The following CCNY variants were observed in gnomAD, a reference collection of about 807,000 sequenced individuals.
The protein encoded by CCNY is cyclin-Y.
In CCNY, 19 loss-of-function variants were observed where a neutral mutation model predicts 42.8. The ratio of observed to expected loss-of-function variants is 0.44; its 90% CI spans 0.31 to 0.65. CCNY has a LOEUF of 0.65. CCNY is among the 30% of genes least tolerant of loss of function. CCNY has a pLI of 0.07. For synonymous variants in CCNY, 165 were observed against 162.7 expected, an observed-to-expected ratio of 1.01 and a Z score of -0.11; for missense variants, 370 against 437.3, an observed-to-expected ratio of 0.85 and a Z score of 1.37.
intron 7 of CCNY, among the ~76,000 whole-genome samples, chr10:35,532,621 G>A (rs1840792143): frequency 1.3e-5 from 2 of 152,248 alleles, no homozygotes; most frequent in Non-Finnish European, 1.5e-5. Context: ...ATTTGAAAGG[G>A]AGTGAGGTAA....
At chr10:35,256,233 A>AT (rs971537929) in intron 3 of CCNY, among the ~76,000 whole-genome samples, 3 of 151,672 alleles carry the variant, frequency 2.0e-5, no homozygotes, top group Non-Finnish European at 4.4e-5. Flanking sequence ...TCATTTTGCT[A>AT]TTTTTTTCTA....
intron 7 of CCNY, among the ~76,000 whole-genome samples, chr10:35,537,574 A>G (rs1159783342): frequency 6.6e-6 from 1 of 152,212 alleles, no homozygotes; most frequent in Non-Finnish European, 1.5e-5. Flanking sequence ...CACCTTTTGG[A>G]TCAGCGTGAC....
chr10:35,253,414 ATTTTTTTTTTTTTT>A (rs61405875), intron 3 of CCNY, among the ~76,000 whole-genome samples: 10 of 89,036 alleles, frequency 1.1e-4, no homozygotes, highest in South Asian at 3.7e-4. Flanking sequence ...CATGCTCACT[ATTTTTTTTTTTTTT>A]TTTTTTTTTT....
rs114627431 is a variant in CCNY, at chr10:35,496,448, C to T, written c.230-5053C>T. Among the ~76,000 whole-genome samples the T allele has an allele frequency of 6.8e-3, 1,032 of 152,304 alleles. 11 individuals carry two copies. Among genetic ancestry groups the T allele is most frequent in the African/African-American group, 0.024 (987 of 41,560 alleles). ...CCCTAGTTTGCCAAAGAAAGAGTAT[C>T]TTAGGTATCTTAGGACCTTTTTAGT... On this transcript the variant is annotated intron_variant, in intron 2 of 9. Coordinates refer to ENST00000374704, the MANE Select transcript of CCNY (RefSeq NM_145012.6).
At chr10:35,323,463 G>T (rs959057169) in intron 3 of CCNY, among the ~76,000 whole-genome samples, 10 of 152,154 alleles carry the variant, frequency 6.6e-5, no homozygotes, top group African/African-American at 2.4e-4. Context: ...AAACAGAAAT[G>T]AACCACTCAT....
At chr10:35,429,671 G>A (rs1838342482) in intron 1 of CCNY, among the ~76,000 whole-genome samples, 1 of 152,220 alleles carries the variant, frequency 6.6e-6, no homozygotes, top group African/African-American at 2.4e-5. Context: ...TTGCTGGTAT[G>A]TAGTAACTGG....
intron 1 of CCNY, among the ~76,000 whole-genome samples, chr10:35,415,438 C>T (rs1054769107): frequency 1.3e-5 from 2 of 151,644 alleles, no homozygotes; most frequent in African/African-American, 4.9e-5. Flanking sequence ...GGGCAGAAAG[C>T]CTTTTTGGGC....
chr10:35,564,005 T>C (rs1300184675), intron 8 of CCNY, among the ~76,000 whole-genome samples: 1 of 151,604 alleles, frequency 6.6e-6, no homozygotes, highest in Admixed American at 6.6e-5. Flanking sequence ...GCCTCCTGAG[T>C]AGCTTGAATT....
chr10:35,485,795 T>G (rs1839776230), intron 2 of CCNY, among the ~76,000 whole-genome samples: 1 of 151,652 alleles, frequency 6.6e-6, no homozygotes, highest in Non-Finnish European at 1.5e-5. Flanking sequence ...AGTGACATGA[T>G]AATCAGAGAA....
At position 35,254,604 on chromosome 10, in the gene CCNY, A is replaced by T. The variant is rs144215332; in HGVS notation, c.-9+3978A>T. Among the ~76,000 whole-genome samples, 411 of 152,122 alleles carry T rather than the reference A, an allele frequency of 2.7e-3. 3 individuals are homozygous for T. The highest frequency in any genetic ancestry group is 9.4e-3 in the African/African-American group (392 of 41,496). ...TCTCAGCACTTTGGGAGGCCAGTGG[A>T]TTGCTTGAGCCCAGGAGTTCAAGAC... On this transcript the variant is annotated intron_variant, in intron 3 of 11. Transcript: ENST00000374706.
At chr10:35,378,858 A>G (rs1837113267) in intron 1 of CCNY, among the ~76,000 whole-genome samples, 1 of 152,098 alleles carries the variant, frequency 6.6e-6, no homozygotes, top group South Asian at 2.1e-4. Flanking sequence ...TGGAATGGGT[A>G]CCTGTCCTGA....
At position 35,572,506 on chromosome 10, in the gene CCNY, C is replaced by T. The variant is rs916728926; in HGVS notation, c.*3336C>T. ...CGTTGGCCAGGCTGGTCTCAAACTC[C>T]TGACCTCAAGTGATCCACCCCCCTC... is the stretch of plus-strand genomic sequence containing the variant. On this transcript the variant is annotated 3_prime_UTR_variant, in exon 10 of 10. Coordinates refer to ENST00000374704, the MANE Select transcript of CCNY (RefSeq NM_145012.6). 1 of 152,124 alleles carries T rather than the reference C, an allele frequency of 6.6e-6. No homozygotes were observed. Among genetic ancestry groups the T allele is most frequent in the Non-Finnish European group, 1.5e-5 (1 of 68,050 alleles). The allele number at this position is 152,124 out of a possible 1,614,324, so 9.4% of individuals were successfully genotyped here.
intron 1 of CCNY, among the ~76,000 whole-genome samples, chr10:35,362,053 A>G (rs528700735): frequency 6.6e-6 from 1 of 152,346 alleles, no homozygotes; most frequent in Admixed American, 6.5e-5. Flanking sequence ...TATGTGTATA[A>G]GGTGAATGTG....
chr10:35,525,907 T>C, intron 4 of CCNY, 57 bp from the exon 5 acceptor site: 1 of 1,466,640 alleles, frequency 6.8e-7, no homozygotes, highest in Middle Eastern at 1.8e-4. Context: ...GGCCAGGTAA[T>C]GTGTAAGGTC....
At chr10:35,363,175 T>C (rs1332296593) in intron 1 of CCNY, among the ~76,000 whole-genome samples, 1 of 141,742 alleles carries the variant, frequency 7.1e-6, no homozygotes, top group East Asian at 2.2e-4. Context: ...TGGTCCTCAC[T>C]TCCCCGACGG....
chr10:35,504,999 G>T (rs1416027100), intron 3 of CCNY, among the ~76,000 whole-genome samples: 2 of 150,548 alleles, frequency 1.3e-5, no homozygotes, highest in African/African-American at 2.4e-5. Context: ...AGGGATTTAT[G>T]TAAAGTTTAT....
intron 7 of CCNY, among the ~76,000 whole-genome samples, chr10:35,552,386 G>A (rs1383854443): frequency 1.3e-5 from 2 of 152,158 alleles, no homozygotes; most frequent in African/African-American, 4.8e-5. Flanking sequence ...ATTATTTAAC[G>A]GGTATAGAGT....
intron 3 of CCNY, among the ~76,000 whole-genome samples, chr10:35,330,621 T>C (rs553946956): frequency 2.6e-5 from 4 of 152,360 alleles, no homozygotes; most frequent in African/African-American, 9.6e-5. Context: ...ATTTCTCTCA[T>C]GTAAAAGAAG....
At chr10:35,278,109 G>A (rs756753608) in intron 3 of CCNY, among the ~76,000 whole-genome samples, 10 of 152,134 alleles carry the variant, frequency 6.6e-5, no homozygotes, top group Non-Finnish European at 1.3e-4. Flanking sequence ...GATGGATGAC[G>A]TCGGGAGAAG....
Sources: gnomAD v4.1 joint callset for allele counts (sites outside exome capture counted in the v4.1 genomes callset) on GRCh38, gnomAD v4.1.1 for gene constraint, MANE v1.5 for transcripts, NCBI Gene and HGNC (gene_info 2026-07-23, HGNC 2026-07-21) for gene names.